The following CFAP54 variants were observed in gnomAD, a reference collection of about 807,000 sequenced individuals.
CFAP54 encodes the protein cilia- and flagella-associated protein 54.
CFAP54 carries 290 observed loss-of-function variants against 370.4 expected under a neutral mutation model. The observed-to-expected ratio is 0.78, with a 90% CI of 0.71 to 0.86. The LOEUF is 0.86. Among genes scored for constraint, CFAP54 ranks in the 40% least tolerant of loss-of-function variants. CFAP54 has a pLI of 0.00. For synonymous variants in CFAP54, 1,206 were observed against 1,236.5 expected (o/e 0.98, Z 0.52); for missense variants, 3,399 against 3,528.7 (o/e 0.96, Z 0.93).
intron 32 of CFAP54, among the ~76,000 whole-genome samples, chr12:96,638,366 G>T (rs1232872430): frequency 6.6e-6 from 1 of 151,140 alleles, no homozygotes; most frequent in Non-Finnish European, 1.5e-5. Flanking sequence ...CTCCTGAGTA[G>T]CTAGGACTGC....
At chr12:96,829,122 C>G (rs569691621) in intron 66 of CFAP54, 34 bp downstream of exon 66, 1 of 1,189,634 alleles carries the variant, frequency 8.4e-7, no homozygotes, top group African/African-American at 1.5e-5. Flanking sequence ...GTATCTAATT[C>G]ACTCACAAGT....
chr12:96,771,618 C>T (rs546490567), intron 60 of CFAP54, among the ~76,000 whole-genome samples: 3 of 152,288 alleles, frequency 2.0e-5, no homozygotes, highest in Non-Finnish European at 4.4e-5. Flanking sequence ...CGCCACTGCA[C>T]TCCGGCCTGG....
chr12:96,776,868 C>T (rs1958522423), intron 60 of CFAP54, among the ~76,000 whole-genome samples: 1 of 152,158 alleles, frequency 6.6e-6, no homozygotes, highest in Admixed American at 6.5e-5. Flanking sequence ...AACATGTATA[C>T]ATTTTATTGG....
intron 32 of CFAP54, among the ~76,000 whole-genome samples, chr12:96,635,942 C>T (rs1201537354): frequency 6.6e-6 from 1 of 152,166 alleles, no homozygotes; most frequent in Non-Finnish European, 1.5e-5. Context: ...CACCCTGAAC[C>T]TCCGAGTTCA....
intron 8 of CFAP54, 151 bp from the exon 9 acceptor site, chr12:96,527,095 A>T: frequency 1.8e-6 from 1 of 562,122 alleles, no homozygotes; most frequent in Non-Finnish European, 2.9e-6. Context: ...TGGGGGTCTC[A>T]CTGTGTTGCC....
intron 28 of CFAP54, among the ~76,000 whole-genome samples, chr12:96,624,590 G>A (rs116898445): frequency 6.8e-4 from 104 of 152,290 alleles, no homozygotes; most frequent in Non-Finnish European, 1.4e-3. Context: ...GTGATGATTA[G>A]TATTGTCACA....
chr12:96,792,524 A>C (rs755347049), intron 63 of CFAP54, 25 bp downstream of exon 63: 1 of 1,485,142 alleles, frequency 6.7e-7, no homozygotes, highest in Non-Finnish European at 9.0e-7. Context: ...TATAGAACTC[A>C]ATATTTCATT....
intron 67 of CFAP54, among the ~76,000 whole-genome samples, chr12:96,864,022 A>G (rs1959945080): frequency 6.6e-6 from 1 of 152,190 alleles, no homozygotes. Context: ...TAAGGAAATG[A>G]TGATGAACTG....
chr12:96,744,145 T>C lies in CFAP54; in HGVS notation c.7683T>C (p.Ile2561=). The change falls in exon 55 of 68, where the codon ATT becomes ATC. Residue 2561 remains isoleucine, a splice_region_variant and synonymous_variant. Transcript: ENST00000524981. ...TATTGGCCAAAATAAAAATGAGAATTGGTAAGAACATTTAAACTTATATTG... is the reference window on the plus strand; with the variant it reads ...TATTGGCCAAAATAAAAATGAGAATCGGTAAGAACATTTAAACTTATATTG... ...VMLLAKIKMR[I]GHTVAKQVYY... 1 of 1,600,602 alleles carries C rather than the reference T, an allele frequency of 6.2e-7. No homozygotes were observed. The highest frequency in any genetic ancestry group is 8.5e-7 in the Non-Finnish European group (1 of 1,172,434).
intron 66 of CFAP54, among the ~76,000 whole-genome samples, chr12:96,846,421 G>A (rs1959347834): frequency 6.6e-6 from 1 of 152,164 alleles, no homozygotes; most frequent in African/African-American, 2.4e-5. Context: ...TAGAGGGAGT[G>A]TTCCCTGTTT....
At chr12:96,523,591 TATTA>T (rs1256945023) in intron 8 of CFAP54, among the ~76,000 whole-genome samples, 1 of 152,218 alleles carries the variant, frequency 6.6e-6, no homozygotes, top group Non-Finnish European at 1.5e-5. Flanking sequence ...TTGGCAAGTA[TATTA>T]ATTAATTTAT....
rs1958176781 is a variant in CFAP54 at position 96,751,020 on chromosome 12, T to A, written c.7685-2723T>A. ...TGTCACACAAATGGACTACTTAAAA[T>A]TTTTTTTCATGTGAAAGTCTCTGAT... On this transcript the variant is annotated intron_variant, in intron 55 of 67. Coordinates refer to ENST00000524981, the MANE Select transcript of CFAP54 (RefSeq NM_001306084.2). Among the ~76,000 whole-genome samples the A allele has an allele frequency of 1.3e-5, 2 of 150,232 alleles. 1 individual carries two copies. The highest frequency in any genetic ancestry group is 4.1e-4 in the South Asian group (2 of 4,826).
At chr12:96,724,919 T>G (rs929762491) in intron 50 of CFAP54, among the ~76,000 whole-genome samples, 4 of 152,230 alleles carry the variant, frequency 2.6e-5, no homozygotes, top group Non-Finnish European at 5.9e-5. Context: ...CCAGCACCAT[T>G]TATTAAATAG....
intron 36 of CFAP54, among the ~76,000 whole-genome samples, chr12:96,655,708 C>T (rs1272925243): frequency 1.3e-5 from 2 of 151,798 alleles, no homozygotes; most frequent in Non-Finnish European, 2.9e-5. Flanking sequence ...GAGATGAAAT[C>T]TATAAATTAA....
In CFAP54 at chr12:96,644,396, A is replaced by G. The variant is rs913991451; in HGVS notation, c.4535A>G (p.His1512Arg). ...ECTKMKFGTS[H>R]MMVSFRSCDP... The stretch of plus-strand genomic sequence containing the variant: ...ACGAAGATGAAATTTGGCACATCAC[A>G]TATGATGGTCAGGTATAGTATATTA... Residue 1512 changes from histidine (H) to arginine (R), a missense_variant, in exon 33 of 68, where the codon CAT becomes CGT. Coordinates refer to ENST00000524981, the MANE Select transcript of CFAP54 (RefSeq NM_001306084.2). The G allele has an allele frequency of 3.3e-6, 5 of 1,532,202 alleles. No individual in the cohort carries two copies. Among genetic ancestry groups the G allele is most frequent in the East Asian group, 2.4e-5 (1 of 40,888 alleles). The allele number at this position is 1,532,202 out of a possible 1,614,324, so 94.9% of individuals were successfully genotyped here.
chr12:96,517,775 C>T (rs371475379), intron 5 of CFAP54, among the ~76,000 whole-genome samples: 1 of 152,222 alleles, frequency 6.6e-6, no homozygotes, highest in Non-Finnish European at 1.5e-5. Flanking sequence ...AGGATGCTGG[C>T]AACCTGGGGT....
At chr12:96,626,053 G>T (rs1426915279) in intron 29 of CFAP54, among the ~76,000 whole-genome samples, 2 of 152,118 alleles carry the variant, frequency 1.3e-5, no homozygotes, top group Non-Finnish European at 2.9e-5. Flanking sequence ...GTAGTGAATG[G>T]TGTTATTATG....
chr12:96,850,339 TA>T (rs35537464), intron 66 of CFAP54, among the ~76,000 whole-genome samples: 64 of 147,688 alleles, frequency 4.3e-4, no homozygotes, highest in Admixed American at 1.1e-3. Context: ...GACTCTGTCT[TA>T]AAAAAAAAAA....
intron 38 of CFAP54, among the ~76,000 whole-genome samples, chr12:96,663,184 T>C (rs1406441423): frequency 6.6e-6 from 1 of 152,132 alleles, no homozygotes; most frequent in East Asian, 1.9e-4. Context: ...TTACTTCTCA[T>C]TATAAAAGTA....
Sources: gnomAD v4.1 joint callset for allele counts (sites outside exome capture counted in the v4.1 genomes callset) on GRCh38, gnomAD v4.1.1 for gene constraint, MANE v1.5 for transcripts, NCBI Gene and HGNC (gene_info 2026-07-23, HGNC 2026-07-21) for gene names.